The following POLN variants were observed in gnomAD, a reference collection of about 807,000 sequenced individuals.
POLN encodes DNA polymerase nu, also known as DNA polymerase N.
POLN carries 108 observed loss-of-function variants against 113.5 expected under a neutral mutation model. That is an observed-to-expected ratio of 0.95 (90% confidence interval 0.81 to 1.12). POLN has a LOEUF of 1.12. POLN is among the 50% of genes most tolerant of loss of function. The pLI, the probability that POLN is intolerant of heterozygous loss-of-function variation, is 0.00. For synonymous variants in POLN, 386 were observed against 391.5 expected, an observed-to-expected ratio of 0.99 and a Z score of 0.17; for missense variants, 1,097 against 1,077.1, an observed-to-expected ratio of 1.02 and a Z score of -0.26.
intron 20 of POLN, among the ~76,000 whole-genome samples, chr4:2,094,676 A>G (rs547772008): frequency 2.0e-5 from 3 of 152,170 alleles, no homozygotes; most frequent in Non-Finnish European, 4.4e-5. Flanking sequence ...GTGTTCCCAT[A>G]GAGGGAAGAG....
chr4:2,112,792 T>G (rs1048905443), intron 19 of POLN, among the ~76,000 whole-genome samples: 2 of 152,234 alleles, frequency 1.3e-5, no homozygotes, highest in East Asian at 1.9e-4. Flanking sequence ...TTGGTAGGAC[T>G]GTAAACTAGT....
intron 19 of POLN, among the ~76,000 whole-genome samples, chr4:2,108,988 C>T (rs1480378242): frequency 3.3e-5 from 5 of 151,878 alleles, no homozygotes; most frequent in African/African-American, 9.7e-5. Context: ...CTGCTCTGCC[C>T]GCTAAGCAGA....
intron 16 of POLN, among the ~76,000 whole-genome samples, chr4:2,156,111 C>T (rs1732416917): frequency 1.3e-5 from 2 of 152,166 alleles, no homozygotes; most frequent in African/African-American, 4.8e-5. Flanking sequence ...GGATTACAGG[C>T]ATGAGCCACC....
intron 11 of POLN, among the ~76,000 whole-genome samples, chr4:2,172,796 C>A (rs1732896330): frequency 1.3e-5 from 2 of 152,206 alleles, no homozygotes; most frequent in African/African-American, 4.8e-5. Flanking sequence ...TGTGTCCCAG[C>A]AGCACTAGTC....
intron 16 of POLN, among the ~76,000 whole-genome samples, chr4:2,135,472 C>T (rs569729009): frequency 2.0e-5 from 3 of 152,164 alleles, no homozygotes; most frequent in Non-Finnish European, 4.4e-5. Context: ...ACACATGAAA[C>T]ACTGCTGCGC....
chr4:2,179,281 G>A, intron 8 of POLN, 27 bp downstream of exon 8: 1 of 1,591,340 alleles, frequency 6.3e-7, no homozygotes, highest in South Asian at 1.1e-5. Context: ...TATTAAGGTT[G>A]ATAAAACTTT....
At chr4:2,094,781 C>T (rs977383383) in intron 20 of POLN, among the ~76,000 whole-genome samples, 2 of 152,104 alleles carry the variant, frequency 1.3e-5, no homozygotes, top group Admixed American at 6.5e-5. Flanking sequence ...GCACTCTGGA[C>T]GCTTGTTCAA....
At position 2,208,102 on chromosome 4, in the gene POLN, A is replaced by T. The variant is rs2108763961; in HGVS notation, c.599T>A (p.Ile200Asn). ...TTTTGCCCAATCATCCAAATGCCTA[A>T]TATCACAAAAATGTTTTTTCAATGC... ...SGALKKHFCDIRHLDDWAKSQ... is the reference protein window; with the variant it reads ...SGALKKHFCDNRHLDDWAKSQ... Residue 200 changes from isoleucine to asparagine, a missense_variant, in exon 5 of 26, where the codon ATT becomes AAT. Ile to Asn is a moderately radical substitution (Grantham distance 149, BLOSUM62 -3). Coordinates refer to ENST00000511885, the MANE Select transcript of POLN (RefSeq NM_181808.4). 6.2e-7 allele frequency: 1 copy of T among 1,614,202 alleles called. No individual in the cohort carries two copies. The highest frequency in any genetic ancestry group is 2.2e-5 in the East Asian group (1 of 44,884).
At position 2,241,064 on chromosome 4, in the gene POLN, A is replaced by G. The variant is rs937371303; in HGVS notation, c.-13+456T>C. The G allele has an allele frequency of 1.1e-5, 8 of 728,760 alleles. No homozygotes were observed. The South Asian group carries it at 1.5e-4, about 14-fold the overall frequency. The allele number at this position is 728,760 out of a possible 1,614,324, so 45.1% of individuals were successfully genotyped here. A position where few individuals can be genotyped will look rare whatever the true frequency, so the allele number is the denominator to read the frequency against. ...ATACCAAGTCCACAGAGAAGGGAAA[A>G]TATATTTTTAGAATCTATAATGATT... On this transcript the variant is annotated intron_variant, in intron 2 of 25. Transcript: ENST00000511885.
chr4:2,124,671 G>T (rs1339881959), intron 19 of POLN, among the ~76,000 whole-genome samples: 1 of 152,192 alleles, frequency 6.6e-6, no homozygotes, highest in African/African-American at 2.4e-5. Flanking sequence ...TGTTTTCCCA[G>T]GAGCGGGGGC....
intron 13 of POLN, among the ~76,000 whole-genome samples, chr4:2,161,857 G>GT (rs1296796076): frequency 6.6e-6 from 1 of 152,182 alleles, no homozygotes; most frequent in Non-Finnish European, 1.5e-5. Context: ...CTAGCTCAGG[G>GT]TTTGTGAATG....
intron 16 of POLN, among the ~76,000 whole-genome samples, chr4:2,153,940 G>A (rs943600735): frequency 5.3e-5 from 8 of 151,678 alleles, no homozygotes; most frequent in Non-Finnish European, 4.4e-5. Context: ...GCTCATACCT[G>A]CAATCCCAGC....
intron 2 of POLN, chr4:2,231,830 T>C (rs1279699979): frequency 3.7e-5 from 23 of 626,616 alleles, no homozygotes; most frequent in South Asian, 1.9e-4. Flanking sequence ...AAATGTTCCA[T>C]TGACCTCAAA....
At chr4:2,175,199 G>A (rs1045071185) in intron 9 of POLN, among the ~76,000 whole-genome samples, 2 of 152,132 alleles carry the variant, frequency 1.3e-5, no homozygotes, top group South Asian at 2.1e-4. Context: ...ACCCAACCTC[G>A]ACTCCTCTTA....
chr4:2,170,677 A>C lies in POLN; in HGVS notation c.1554+2T>G, dbSNP rs1732838450. 1 of 1,610,220 alleles carries C rather than the reference A, an allele frequency of 6.2e-7. No homozygotes were observed. The highest frequency in any genetic ancestry group is 8.5e-7 in the Non-Finnish European group (1 of 1,176,664). On this transcript the variant is annotated splice_donor_variant, in intron 13 of 25. Transcript: ENST00000511885. LOFTEE classifies it high-confidence loss of function. ...AGAAAAAGGATAACTCTGAAACCTTACCACTGCTTCTGATGTAGACGGGTA... is the reference window on the plus strand; with the variant it reads ...AGAAAAAGGATAACTCTGAAACCTTCCCACTGCTTCTGATGTAGACGGGTA...
intron 16 of POLN, among the ~76,000 whole-genome samples, chr4:2,132,381 A>C (rs982484964): frequency 6.6e-6 from 1 of 152,216 alleles, no homozygotes; most frequent in African/African-American, 2.4e-5. Flanking sequence ...GTGTTCTCTT[A>C]GTTCCTAGAG....
chr4:2,161,708 G>A (rs1025233739), intron 13 of POLN, among the ~76,000 whole-genome samples: 4 of 152,368 alleles, frequency 2.6e-5, no homozygotes, highest in South Asian at 4.1e-4. Context: ...TGCGAGATCC[G>A]CTGGGTGAAG....
At chr4:2,121,353 T>C (rs1456743525) in intron 19 of POLN, among the ~76,000 whole-genome samples, 1 of 151,458 alleles carries the variant, frequency 6.6e-6, no homozygotes, top group Non-Finnish European at 1.5e-5. Context: ...GAGAATCTCT[T>C]GAACCTGGGA....
At chr4:2,241,152 A>T in intron 2 of POLN, 1 of 489,234 alleles carries the variant, frequency 2.0e-6, no homozygotes, top group Non-Finnish European at 3.5e-6. Flanking sequence ...TTTTAAAAAG[A>T]AGACACAGAC....
Sources: allele counts gnomAD v4.1 joint callset (sites outside exome capture counted in the v4.1 genomes callset), GRCh38; gene constraint gnomAD v4.1.1; transcripts MANE v1.5; gene names NCBI Gene and HGNC (gene_info 2026-07-23, HGNC 2026-07-21).